Variants in WDR11 observed in about 807,000 individuals in gnomAD.
The protein encoded by WDR11 is WD repeat domain 11.
A neutral mutation model predicts 151.2 loss-of-function variants in WDR11; 83 were observed. The observed-to-expected ratio is 0.55, with a 90% CI of 0.46 to 0.66. The LOEUF (loss-of-function observed/expected upper bound fraction) is 0.66. Among genes scored for constraint, WDR11 ranks in the 30% least tolerant of loss-of-function variants. WDR11 has a pLI of 0.00. For synonymous variants in WDR11, 484 were observed against 533.1 expected, an observed-to-expected ratio of 0.91 and a Z score of 1.27; for missense variants, 1,301 against 1,480.9, an observed-to-expected ratio of 0.88 and a Z score of 1.99.
intron 19 of WDR11, among the ~76,000 whole-genome samples, chr10:120,893,064 G>T (rs2133796541): frequency 6.6e-6 from 1 of 151,242 alleles, no homozygotes; most frequent in East Asian, 2.0e-4. Flanking sequence ...TGCACAACGT[G>T]CAGGTTTGTT....
chr10:120,894,434 G>A (rs964907246), intron 19 of WDR11, among the ~76,000 whole-genome samples: 1 of 152,136 alleles, frequency 6.6e-6, no homozygotes, highest in African/African-American at 2.4e-5. Context: ...GATGTGGGGA[G>A]GTCTGGGGAT....
chr10:120,855,756 G>A (rs1174246044), intron 2 of WDR11, among the ~76,000 whole-genome samples: 1 of 152,054 alleles, frequency 6.6e-6, no homozygotes, highest in African/African-American at 2.4e-5. Flanking sequence ...CTATTTAATA[G>A]TAATTTTGGG....
intron 3 of WDR11, among the ~76,000 whole-genome samples, chr10:120,859,289 A>G (rs565275179): frequency 4.5e-4 from 59 of 131,960 alleles, no homozygotes; most frequent in African/African-American, 1.6e-3. Context: ...TTTTTTTGAG[A>G]TGGAGTGTCG....
Position 120,905,299 on chromosome 10 carries a change from GA to G in WDR11, c.3194-19del. The G allele has an allele frequency of 6.2e-7, 1 of 1,612,688 alleles. No homozygotes were observed. The highest frequency in any genetic ancestry group is 8.5e-7 in the Non-Finnish European group (1 of 1,179,092). ...AAGGAGCTGCAGTGTCACTTAAGGG[GA>G]TGCGCTTTTGTCTTTCAGAGGGCGT... On this transcript the variant is annotated intron_variant, in intron 25 of 28. Coordinates refer to ENST00000263461, the MANE Select transcript of WDR11 (RefSeq NM_018117.12).
At chr10:120,857,545 C>CAAAT (rs200314056) in intron 2 of WDR11, among the ~76,000 whole-genome samples, 1 of 126,394 alleles carries the variant, frequency 7.9e-6, no homozygotes, top group Non-Finnish European at 1.7e-5. Flanking sequence ...TGCATATATA[C>CAAAT]ACATACCTCA....
chr10:120,865,235 A>G (rs1470325161), intron 6 of WDR11, 23 bp downstream of exon 6: 1 of 1,608,834 alleles, frequency 6.2e-7, no homozygotes, highest in Non-Finnish European at 8.5e-7. Flanking sequence ...CATAAATTAT[A>G]TTCCCCAAAA....
chr10:120,895,051 C>CT (rs1186258170), intron 19 of WDR11, among the ~76,000 whole-genome samples: 2 of 152,190 alleles, frequency 1.3e-5, no homozygotes, highest in African/African-American at 4.8e-5. Context: ...TTTATTCAGA[C>CT]TTGGTAAATG....
chr10:120,905,918 T>G lies in WDR11; in HGVS notation c.3334T>G (p.Trp1112Gly). 1.9e-6 allele frequency: 3 copies of G among 1,614,042 alleles called. No homozygotes were observed. The highest frequency in any genetic ancestry group is 1.7e-6 in the Non-Finnish European group (2 of 1,180,004). ...GGAGTGTGCCGATGTTTTAAGGCGG[T>G]GGGTTGACCACCTTTGTTCTCCACA... ...PEECADVLRR[W>G]VDHLCSPQVN... The change falls in exon 27 of 29, where the codon TGG becomes GGG. Residue 1112 changes from tryptophan to glycine, a missense_variant. By Grantham distance (184) the Trp-to-Gly change is radical. Around this residue, in one of 3 missense-constraint regions of WDR11, gnomAD observed 589 missense variants for 670.6 expected, o/e 0.88. Coordinates refer to ENST00000263461, the MANE Select transcript of WDR11 (RefSeq NM_018117.12).
chr10:120,888,762 C>T (rs1795214179), intron 16 of WDR11, among the ~76,000 whole-genome samples: 1 of 152,064 alleles, frequency 6.6e-6, no homozygotes, highest in African/African-American at 2.4e-5. Flanking sequence ...AAAACCTTCC[C>T]TTTACTTCTC....
chr10:120,862,420 A>G (rs1441909622), intron 4 of WDR11: 3 of 237,210 alleles, frequency 1.3e-5, no homozygotes, highest in African/African-American at 2.3e-5. Flanking sequence ...TAATAAGGAA[A>G]GATTTTTAAT....
At chr10:120,864,127 C>G (rs954531572) in intron 5 of WDR11, among the ~76,000 whole-genome samples, 1 of 152,126 alleles carries the variant, frequency 6.6e-6, no homozygotes, top group African/African-American at 2.4e-5. Context: ...TGGACTCTTA[C>G]TACAATTCTG....
chr10:120,892,570 G>GAATTAGA (rs1486799769), intron 19 of WDR11, among the ~76,000 whole-genome samples: 4 of 152,150 alleles, frequency 2.6e-5, no homozygotes, highest in African/African-American at 4.8e-5. Context: ...CTATTCTGAG[G>GAATTAGA]AATTAGAAGT....
chr10:120,858,640 C>T lies in WDR11; in HGVS notation c.199-3C>T. On this transcript the variant is annotated splice_region_variant and splice_polypyrimidine_tract_variant and intron_variant, in intron 2 of 28. Transcript: ENST00000263461. Reference sequence around the variant, plus strand: ...TACTTGATCTGATTTCTTCTTGATACAGGTTAAATGGGCCAGGGAAAACTA... The same window carrying T: ...TACTTGATCTGATTTCTTCTTGATATAGGTTAAATGGGCCAGGGAAAACTA... The T allele has an allele frequency of 1.2e-6, 2 of 1,614,140 alleles. No homozygotes were observed.
At chr10:120,858,531 A>T in intron 2 of WDR11, 112 bp from the exon 3 acceptor site, 1 of 1,294,312 alleles carries the variant, frequency 7.7e-7, no homozygotes, top group East Asian at 2.5e-5. Flanking sequence ...TATTCTTGCT[A>T]AATGTTTATG....
intron 8 of WDR11, 98 bp from the exon 9 acceptor site, chr10:120,866,968 T>C: frequency 8.9e-7 from 1 of 1,121,474 alleles, no homozygotes; most frequent in South Asian, 1.3e-5. Flanking sequence ...AATATAAAAA[T>C]AGATAGAATG....
At chr10:120,900,556 CTATTAGTGTTTATTAATTAAATTCACAAA>C (rs1847777714) in intron 20 of WDR11, among the ~76,000 whole-genome samples, 1 of 152,146 alleles carries the variant, frequency 6.6e-6, no homozygotes, top group South Asian at 2.1e-4. Flanking sequence ...TTCACAGAAA[CTATTAGTGTTTATTAATTAAATTCACAAA>C]TATTACTGAA....
intron 12 of WDR11, chr10:120,879,798 C>T (rs1161232397): frequency 2.0e-5 from 3 of 152,070 alleles, no homozygotes; most frequent in African/African-American, 4.8e-5. Context: ...AGTAGGAAGG[C>T]GTTTAGGCCT....
At chr10:120,900,963 C>A in intron 20 of WDR11, 73 bp from the exon 21 acceptor site, 1 of 1,142,884 alleles carries the variant, frequency 8.7e-7, no homozygotes, top group Non-Finnish European at 1.3e-6. Flanking sequence ...ATTAACACAA[C>A]TTTTTTCAGG....
chr10:120,856,688 C>T (rs1406928562), intron 2 of WDR11, among the ~76,000 whole-genome samples: 4 of 151,108 alleles, frequency 2.6e-5, no homozygotes, highest in African/African-American at 9.7e-5. Context: ...CGATTATCTT[C>T]AAGATTTCCT....
Sources: gnomAD v4.1 joint callset for allele counts (sites outside exome capture counted in the v4.1 genomes callset) on GRCh38, gnomAD v4.1.1 for gene constraint, gnomAD v4.1.1 regional missense constraint, MANE v1.5 for transcripts, NCBI Gene and HGNC (gene_info 2026-07-23, HGNC 2026-07-21) for gene names.